PTPRN2: variants seen among roughly 807,000 people sequenced by gnomAD.
PTPRN2 encodes the protein receptor-type tyrosine-protein phosphatase N2.
A neutral mutation model predicts 118.8 loss-of-function variants in PTPRN2; 74 were observed. The observed-to-expected ratio is 0.62, with a 90% CI of 0.52 to 0.76. The LOEUF (loss-of-function observed/expected upper bound fraction) is 0.76, where lower values mean the gene tolerates loss of function less well. PTPRN2 is among the 30% of genes least tolerant of loss of function. The pLI is 0.00. For synonymous variants in PTPRN2, 641 were observed against 608.0 expected, an observed-to-expected ratio of 1.05 and a Z score of -0.80; for missense variants, 1,481 against 1,394.4, an observed-to-expected ratio of 1.06 and a Z score of -0.99.
At chr7:157,659,338 C>T (rs111455054) in intron 13 of PTPRN2, among the ~76,000 whole-genome samples, 12,488 of 69,810 alleles carry the variant, frequency 0.18, 1,446 homozygotes, top group Admixed American at 0.24. Context: ...TGGGGGGGGA[C>T]GACTGCGGGG....
intron 1 of PTPRN2, among the ~76,000 whole-genome samples, chr7:158,549,481 C>T (rs1234836438): frequency 1.3e-5 from 2 of 152,238 alleles, no homozygotes; most frequent in Non-Finnish European, 2.9e-5. Context: ...CCGCGAAGGG[C>T]AAAGGGGCAG....
rs113221942 is a variant in PTPRN2, at chr7:158,109,512, A to C, written c.1643+1317T>G. Among the ~76,000 whole-genome samples, 432 of 151,520 alleles carry C rather than the reference A, an allele frequency of 2.9e-3. 4 individuals are homozygous for C. Among genetic ancestry groups the C allele is most frequent in the African/African-American group, 0.01 (414 of 41,076 alleles). ...GTGTGAAGGGGCCAGTGAGTGAATG[A>C]CGTCAACCCTGTGTGAAGGAGCCAG... is the stretch of plus-strand genomic sequence containing the variant. On this transcript the variant is annotated intron_variant, in intron 10 of 22. Transcript: ENST00000389418.
intron 10 of PTPRN2, among the ~76,000 whole-genome samples, chr7:158,094,307 TTTTG>T (rs1563426479): frequency 6.7e-6 from 1 of 149,118 alleles, no homozygotes; most frequent in Admixed American, 6.6e-5. Flanking sequence ...GTTTTTTCTG[TTTTG>T]TTTTTGTTTT....
At chr7:158,469,584 A>G (rs1819689977) in intron 2 of PTPRN2, among the ~76,000 whole-genome samples, 1 of 152,238 alleles carries the variant, frequency 6.6e-6, no homozygotes, top group South Asian at 2.1e-4. Context: ...CCCTGTGGTC[A>G]GCAGCTTGCC....
intron 12 of PTPRN2, among the ~76,000 whole-genome samples, chr7:157,736,898 C>A (rs75323120): frequency 0.24 from 35,923 of 152,094 alleles, 5,016 homozygotes; most frequent in Non-Finnish European, 0.33. Flanking sequence ...TAACAGTTTC[C>A]CTCTACAAAT....
At chr7:158,318,838 A>G (rs35324625) in intron 2 of PTPRN2, among the ~76,000 whole-genome samples, 51,622 of 152,192 alleles carry the variant, frequency 0.34, 9,745 homozygotes, top group Middle Eastern at 0.46. Flanking sequence ...GTCTGCACAC[A>G]GGGCTTGGTG....
intron 3 of PTPRN2, among the ~76,000 whole-genome samples, chr7:158,249,516 AC>A (rs1479852222): frequency 6.7e-6 from 1 of 148,552 alleles, no homozygotes; most frequent in Non-Finnish European, 1.5e-5. Context: ...TGCATCACAC[AC>A]ATGCACACCA....
intron 9 of PTPRN2, among the ~76,000 whole-genome samples, chr7:158,117,076 C>T (rs1434097529): frequency 1.3e-5 from 2 of 151,744 alleles, no homozygotes; most frequent in Non-Finnish European, 2.9e-5. Flanking sequence ...GGTAAGTCAA[C>T]AATAATTGTC....
rs1376829302 is a variant in PTPRN2, at chr7:158,046,516, A to G, written c.1723+34782T>C. 2.0e-5 allele frequency among the ~76,000 whole-genome samples: 3 copies of G among 152,214 alleles called. No homozygotes were observed. The East Asian group carries it at 5.8e-4, about 29-fold the overall frequency. On this transcript the variant is annotated intron_variant, in intron 11 of 22. Transcript: ENST00000389418. ...TGTCTTGTTCTGTGCACTGCCCTTC[A>G]GGGACTGAGGCAATCCCGCGATTTC...
At chr7:158,293,944 T>G (rs1800290230) in intron 3 of PTPRN2, among the ~76,000 whole-genome samples, 1 of 152,250 alleles carries the variant, frequency 6.6e-6, no homozygotes, top group African/African-American at 2.4e-5. Context: ...CTGAAGGACC[T>G]GCCTGAGTCT....
intron 2 of PTPRN2, among the ~76,000 whole-genome samples, chr7:158,466,212 T>C (rs970505774): frequency 1.3e-5 from 2 of 152,134 alleles, no homozygotes; most frequent in Non-Finnish European, 2.9e-5. Context: ...CAATCCAATG[T>C]TGTTACTACA....
rs188073690 is a variant in PTPRN2, at chr7:157,743,230, C to T, written c.1789-60293G>A. ...GGCAGCTCTGGGAACCGACCATCAGCAAAGGTCAGAGACTTAGATGCCCAT... is the reference window on the plus strand; with the variant it reads ...GGCAGCTCTGGGAACCGACCATCAGTAAAGGTCAGAGACTTAGATGCCCAT... On this transcript the variant is annotated intron_variant, in intron 12 of 22. Coordinates refer to ENST00000389418, the MANE Select transcript of PTPRN2 (RefSeq NM_002847.5). Among the ~76,000 whole-genome samples, 33 of 152,348 alleles carry T rather than the reference C, an allele frequency of 2.2e-4. No individual in the cohort carries two copies. The East Asian group carries it at 6.4e-3, about 29-fold the overall frequency.
intron 3 of PTPRN2, among the ~76,000 whole-genome samples, chr7:158,208,630 C>G (rs368840989): frequency 6.6e-6 from 1 of 152,174 alleles, no homozygotes; most frequent in Admixed American, 6.5e-5. Flanking sequence ...AACAGCAGAC[C>G]TGTCCTATAA....
At chr7:157,586,046 C>T (rs75206674) in intron 17 of PTPRN2, among the ~76,000 whole-genome samples, 2,498 of 152,036 alleles carry the variant, frequency 0.016, 56 homozygotes, top group African/African-American at 0.058. Flanking sequence ...TTTAAAGGTT[C>T]GTGAATTTAT....
chr7:158,128,288 T>C (rs1235846995), intron 9 of PTPRN2, among the ~76,000 whole-genome samples: 1 of 152,228 alleles, frequency 6.6e-6, no homozygotes, highest in Non-Finnish European at 1.5e-5. Context: ...CCTCACCTAG[T>C]GCATCACACC....
chr7:157,898,001 A>G (rs1004655627), intron 12 of PTPRN2, among the ~76,000 whole-genome samples: 12 of 152,248 alleles, frequency 7.9e-5, no homozygotes, highest in African/African-American at 2.9e-4. Flanking sequence ...TTAAGTTGTC[A>G]TGTCAGGGGA....
intron 13 of PTPRN2, among the ~76,000 whole-genome samples, chr7:157,672,120 G>A (rs572784244): frequency 7.2e-5 from 11 of 152,164 alleles, no homozygotes; most frequent in South Asian, 2.1e-4. Context: ...CAGCTCTGCC[G>A]CCTCACTTGG....
At chr7:157,904,176 A>G (rs1190657374) in intron 11 of PTPRN2, among the ~76,000 whole-genome samples, 1 of 152,226 alleles carries the variant, frequency 6.6e-6, no homozygotes, top group Non-Finnish European at 1.5e-5. Flanking sequence ...TCAGCTATCA[A>G]GGTCTTCCTC....
At chr7:158,380,079 G>C (rs1450895192) in intron 2 of PTPRN2, among the ~76,000 whole-genome samples, 1 of 152,102 alleles carries the variant, frequency 6.6e-6, no homozygotes, top group African/African-American at 2.4e-5. Context: ...GGAATTATGG[G>C]AGCTGCAATT....
Sources: allele counts gnomAD v4.1 joint callset (sites outside exome capture counted in the v4.1 genomes callset), GRCh38; gene constraint gnomAD v4.1.1; transcripts MANE v1.5; gene names NCBI Gene and HGNC (gene_info 2026-07-23, HGNC 2026-07-21).